CTNNA3: variants seen among roughly 807,000 people sequenced by gnomAD.
The protein encoded by CTNNA3 is catenin alpha-3.
In CTNNA3, 76 loss-of-function variants were observed where a neutral mutation model predicts 95.7. The observed-to-expected ratio is 0.79, with a 90% CI of 0.66 to 0.96. The LOEUF is 0.96. CTNNA3 is among the 40% of genes least tolerant of loss of function. The pLI is 0.00. For missense variants in CTNNA3, 1,191 were observed against 1,089.8 expected (o/e 1.09, Z -1.31); for synonymous variants, 431 against 374.4 (o/e 1.15, Z -1.74).
At chr10:67,225,343 G>A (rs182015702) in intron 5 of CTNNA3, among the ~76,000 whole-genome samples, 4 of 152,220 alleles carry the variant, frequency 2.6e-5, no homozygotes, top group East Asian at 1.9e-4. Context: ...GGACCTGCAC[G>A]CTGCCAGTTC....
chr10:67,321,795 C>A (rs1841328371), intron 5 of CTNNA3, among the ~76,000 whole-genome samples: 1 of 152,148 alleles, frequency 6.6e-6, no homozygotes, highest in Non-Finnish European at 1.5e-5. Flanking sequence ...ACAGGCATTG[C>A]AAACTTGTAT....
At chr10:66,424,325 T>C (rs181504304) in intron 11 of CTNNA3, among the ~76,000 whole-genome samples, 1 of 152,166 alleles carries the variant, frequency 6.6e-6, no homozygotes, top group East Asian at 1.9e-4. Flanking sequence ...ATTTTTATTT[T>C]CTTCTACTTT....
Position 67,490,960 on chromosome 10 carries a change from G to A in CTNNA3, c.579+30882C>T, listed in dbSNP as rs182414838. ...TATCTTTTACAACCTTAACAGAAGA[G>A]TTCTAACCAGGGATCTTGTAAACCA... On this transcript the variant is annotated intron_variant, in intron 5 of 17. Coordinates refer to ENST00000433211, the MANE Select transcript of CTNNA3 (RefSeq NM_013266.4). 8.8e-4 allele frequency among the ~76,000 whole-genome samples: 134 copies of A among 152,214 alleles called. 1 individual carries two copies. Among genetic ancestry groups the A allele is most frequent in the African/African-American group, 3.1e-3 (129 of 41,538 alleles).
At chr10:67,041,721 T>G (rs2133148227) in intron 7 of CTNNA3, among the ~76,000 whole-genome samples, 1 of 152,284 alleles carries the variant, frequency 6.6e-6, no homozygotes, top group Non-Finnish European at 1.5e-5. Context: ...AATTGAGTTC[T>G]TACCATGAGC....
At chr10:66,166,649 T>A (rs547332652) in intron 13 of CTNNA3, among the ~76,000 whole-genome samples, 15 of 152,272 alleles carry the variant, frequency 9.9e-5, no homozygotes, top group African/African-American at 3.6e-4. Context: ...CATAACATAT[T>A]TTCGAAGTTT....
chr10:67,100,813 C>T (rs1858294426), intron 7 of CTNNA3, among the ~76,000 whole-genome samples: 1 of 151,642 alleles, frequency 6.6e-6, no homozygotes, highest in Non-Finnish European at 1.5e-5. Flanking sequence ...AGAAATTGAG[C>T]TCTTACCCCA....
chr10:66,249,885 T>A (rs1318278919), intron 13 of CTNNA3, among the ~76,000 whole-genome samples: 1 of 151,974 alleles, frequency 6.6e-6, no homozygotes. Context: ...AATCCAGCAA[T>A]CCCACTGCAA....
intron 2 of CTNNA3, among the ~76,000 whole-genome samples, chr10:67,640,067 C>T (rs140579885): frequency 0.035 from 5,395 of 152,214 alleles, 95 homozygotes; most frequent in Middle Eastern, 0.078. Context: ...TCAAACTGTC[C>T]CTGTTTGCAG....
chr10:67,522,087 T>C (rs922204787), intron 4 of CTNNA3, 126 bp from the exon 5 acceptor site: 93 of 864,320 alleles, frequency 1.1e-4, no homozygotes, highest in Non-Finnish European at 1.6e-4. Flanking sequence ...TGATAACAAA[T>C]GCTAGCTAAT....
At chr10:66,282,188 C>T (rs568610779) in intron 12 of CTNNA3, among the ~76,000 whole-genome samples, 10 of 151,730 alleles carry the variant, frequency 6.6e-5, no homozygotes, top group Admixed American at 1.3e-4. Flanking sequence ...TTTCAGCGGA[C>T]GGAATAATAA....
intron 12 of CTNNA3, among the ~76,000 whole-genome samples, chr10:66,361,866 C>T (rs139734849): frequency 1.2e-4 from 18 of 151,818 alleles, no homozygotes; most frequent in South Asian, 4.2e-4. Flanking sequence ...TTAGGGTAGT[C>T]GCTTCCATCA....
chr10:66,409,909 CTGGGA>C (rs1393413009), intron 11 of CTNNA3, among the ~76,000 whole-genome samples: 8 of 152,272 alleles, frequency 5.3e-5, no homozygotes, highest in Admixed American at 5.2e-4. Context: ...CAGTTCTGCT[CTGGGA>C]AATCTCCATA....
chr10:66,904,539 C>T (rs1277805475), intron 7 of CTNNA3, among the ~76,000 whole-genome samples: 1 of 152,116 alleles, frequency 6.6e-6, no homozygotes, highest in Non-Finnish European at 1.5e-5. Context: ...AACTAATGAC[C>T]TTCTGCACAG....
At chr10:67,227,204 G>C (rs767854349) in intron 5 of CTNNA3, among the ~76,000 whole-genome samples, 7 of 150,798 alleles carry the variant, frequency 4.6e-5, no homozygotes, top group Non-Finnish European at 8.8e-5. Context: ...CGATTCTCCT[G>C]CCTCAGCCTC....
At chr10:66,763,187 G>C (rs10822910) in intron 9 of CTNNA3, among the ~76,000 whole-genome samples, 116,301 of 151,726 alleles carry the variant, frequency 0.77, 44,652 homozygotes, top group Admixed American at 0.8. Flanking sequence ...ATAGACACTT[G>C]TGTCTCAATG....
rs542587830 is a variant in CTNNA3 at position 66,429,882 on chromosome 10, A to G, written c.1532-50530T>C. On this transcript the variant is annotated intron_variant, in intron 11 of 17. Coordinates refer to ENST00000433211, the MANE Select transcript of CTNNA3 (RefSeq NM_013266.4). ...CTCTCCCACCACTCCTATTCAACAT[A>G]GTGTTGGAAGTTCTGGCCAGGGCAA... is the stretch of plus-strand genomic sequence containing the variant. 2.4e-4 allele frequency among the ~76,000 whole-genome samples: 36 copies of G among 152,040 alleles called. No homozygotes were observed. The South Asian group carries it at 7.5e-3, about 32-fold the overall frequency.
chr10:67,286,774 T>A (rs2132456494), intron 5 of CTNNA3, among the ~76,000 whole-genome samples: 1 of 152,328 alleles, frequency 6.6e-6, no homozygotes, highest in East Asian at 1.9e-4. Flanking sequence ...CATTAACTCC[T>A]GACTTAAAAT....
chr10:66,493,455 T>C (rs1839990448), intron 11 of CTNNA3, among the ~76,000 whole-genome samples: 1 of 152,132 alleles, frequency 6.6e-6, no homozygotes, highest in Non-Finnish European at 1.5e-5. Flanking sequence ...AAGAATATGC[T>C]AAAAAGGTTA....
In CTNNA3 at chr10:66,043,307, C is replaced by T. The variant is rs75604214; in HGVS notation, c.2159+26001G>A. On this transcript the variant is annotated intron_variant, in intron 15 of 17. Coordinates refer to ENST00000433211, the MANE Select transcript of CTNNA3 (RefSeq NM_013266.4). ...TTGGAAGATTGTCTTAAATATTGAACGCTTTGAAATAATGGATGCACATTG... is the reference window on the plus strand; with the variant it reads ...TTGGAAGATTGTCTTAAATATTGAATGCTTTGAAATAATGGATGCACATTG... Among the ~76,000 whole-genome samples, 591 of 152,128 alleles carry T rather than the reference C, an allele frequency of 3.9e-3. 2 individuals carry two copies. Among genetic ancestry groups the T allele is most frequent in the African/African-American group, 0.013 (556 of 41,494 alleles).
Sources: allele counts gnomAD v4.1 joint callset (sites outside exome capture counted in the v4.1 genomes callset), GRCh38; gene constraint gnomAD v4.1.1; transcripts MANE v1.5; gene names NCBI Gene and HGNC (gene_info 2026-07-23, HGNC 2026-07-21).